Variants in ARHGEF4 observed in about 807,000 individuals in gnomAD.
ARHGEF4 encodes Rho guanine nucleotide exchange factor 4.
A neutral mutation model predicts 162.0 loss-of-function variants in ARHGEF4; 119 were observed. That is an observed-to-expected ratio of 0.73 (90% CI 0.63 to 0.86). The LOEUF is 0.86. ARHGEF4 is among the 40% of genes least tolerant of loss of function. The pLI, the probability that ARHGEF4 is intolerant of heterozygous loss-of-function variation, is 0.00. For synonymous variants in ARHGEF4, 1,014 were observed against 979.9 expected, an observed-to-expected ratio of 1.03 and a Z score of -0.65; for missense variants, 2,488 against 2,456.0, an observed-to-expected ratio of 1.01 and a Z score of -0.28.
intron 1 of ARHGEF4, among the ~76,000 whole-genome samples, chr2:130,885,062 C>G (rs995564638): frequency 6.6e-6 from 1 of 152,120 alleles, no homozygotes. Flanking sequence ...ATACTTCCAC[C>G]TTTCTCCCTG....
At chr2:130,874,704 C>T (rs1020921067) in intron 1 of ARHGEF4, among the ~76,000 whole-genome samples, 4 of 152,198 alleles carry the variant, frequency 2.6e-5, no homozygotes, top group African/African-American at 7.2e-5. Flanking sequence ...CACCCAGAAT[C>T]TTGACAGGGA....
intron 4 of ARHGEF4, among the ~76,000 whole-genome samples, chr2:131,006,301 C>G (rs1301872341): frequency 2.6e-5 from 4 of 152,220 alleles, no homozygotes; most frequent in African/African-American, 9.6e-5. Flanking sequence ...AGAGAACCCA[C>G]TGAGCCACAC....
intron 1 of ARHGEF4, among the ~76,000 whole-genome samples, chr2:130,845,355 A>T (rs1359624614): frequency 6.6e-6 from 1 of 151,896 alleles, no homozygotes; most frequent in Non-Finnish European, 1.5e-5. Context: ...AAATGTTTTT[A>T]AAAAAATTAA....
chr2:131,014,254 G>C (rs866571005), intron 4 of ARHGEF4, among the ~76,000 whole-genome samples: 2 of 152,106 alleles, frequency 1.3e-5, no homozygotes, highest in South Asian at 2.1e-4. Flanking sequence ...CCTAAACTTA[G>C]AGGAACAGCT....
chr2:130,938,357 T>TA (rs1208504537), intron 3 of ARHGEF4, among the ~76,000 whole-genome samples: 3 of 152,210 alleles, frequency 2.0e-5, no homozygotes, highest in African/African-American at 7.2e-5. Flanking sequence ...TTTAAATTTT[T>TA]ACCATAATAG....
intron 4 of ARHGEF4, among the ~76,000 whole-genome samples, chr2:130,969,863 A>G (rs1396692610): frequency 6.6e-6 from 1 of 152,156 alleles, no homozygotes; most frequent in Non-Finnish European, 1.5e-5. Context: ...TGTCTCTTCC[A>G]TGATGCCGTA....
intron 1 of ARHGEF4, chr2:130,837,594 T>C: frequency 2.2e-6 from 1 of 451,086 alleles, no homozygotes; most frequent in Non-Finnish European, 4.4e-6. Context: ...CCCACTCAGT[T>C]GGGACGCCTC....
At chr2:131,006,131 A>G (rs1179418753) in intron 4 of ARHGEF4, among the ~76,000 whole-genome samples, 1 of 152,196 alleles carries the variant, frequency 6.6e-6, no homozygotes, top group Non-Finnish European at 1.5e-5. Flanking sequence ...CCTGGGCATC[A>G]CAAGGCAATT....
At chr2:130,939,119 A>G (rs775587701) in intron 3 of ARHGEF4, among the ~76,000 whole-genome samples, 7 of 152,052 alleles carry the variant, frequency 4.6e-5, no homozygotes, top group Non-Finnish European at 7.4e-5. Flanking sequence ...TATGTACTCA[A>G]TGTTTAGCTC....
chr2:131,010,540 G>A (rs1274281643), intron 4 of ARHGEF4, among the ~76,000 whole-genome samples: 1 of 152,182 alleles, frequency 6.6e-6, no homozygotes, highest in African/African-American at 2.4e-5. Flanking sequence ...GTGAAATTAG[G>A]TTTTGGATGA....
chr2:130,859,582 CAAA>C (rs1330353958), intron 1 of ARHGEF4, among the ~76,000 whole-genome samples: 1 of 670 alleles, frequency 1.5e-3, no homozygotes, highest in Non-Finnish European at 3.7e-3. Flanking sequence ...GACTCCAACT[CAAA>C]AAAAAAAAAA....
Position 130,972,114 on chromosome 2 carries a change from TG to T in ARHGEF4, c.3985+25480del, listed in dbSNP as rs538482293. On this transcript the variant is annotated intron_variant, in intron 4 of 13. Transcript: ENST00000409359. ...AGTCATTCCAGGCAAGGCCTCGGGT[TG>T]TATAACTAATGTTTCTAATAAATGT... 1.5e-3 allele frequency among the ~76,000 whole-genome samples: 226 copies of T among 152,368 alleles called. 1 individual carries two copies. The highest frequency in any genetic ancestry group is 5.3e-3 in the African/African-American group (222 of 41,588).
rs1331004440 is a variant in ARHGEF4, at chr2:130,914,172, GAC to G, written c.230_231del (p.Thr77ArgfsTer30). 6.5e-7 allele frequency: 1 copy of G among 1,536,110 alleles called. No individual in the cohort carries two copies. The highest frequency in any genetic ancestry group is 1.4e-5 in the African/African-American group (1 of 73,170). Reference sequence around the variant, plus strand: ...AACTGACCCCTTTGAAAGTGCCTCTGACACAGAGTCCTTGTCTGGGTACCTCC... The same window carrying G: ...AACTGACCCCTTTGAAAGTGCCTCTGACAGAGTCCTTGTCTGGGTACCTCC... ...TKTDPFESAS[D>X]TESLSGYLPR... On this transcript the variant is annotated frameshift_variant, in exon 2 of 14. Transcript: ENST00000409359. LOFTEE classifies it high-confidence loss of function.
chr2:130,913,073 T>C (rs548477242), intron 1 of ARHGEF4, among the ~76,000 whole-genome samples: 42 of 151,334 alleles, frequency 2.8e-4, no homozygotes, highest in African/African-American at 1.0e-3. Context: ...TGGGGGGGAG[T>C]GGTTCAGGCA....
rs943630512 is a variant in ARHGEF4 at position 130,995,261 on chromosome 2, T to G, written c.3986-32684T>G. ...CTGTTTTTCTCTGAATCTTTCTGTC[T>G]GACCTCTCTTCTTTATTCAGCTGTA... On this transcript the variant is annotated intron_variant, in intron 4 of 13. Transcript: ENST00000409359. Among the ~76,000 whole-genome samples the G allele has an allele frequency of 7.2e-5, 11 of 152,352 alleles. No individual in the cohort carries two copies. The South Asian group carries it at 2.3e-3, about 32-fold the overall frequency.
chr2:131,039,681 C>T (rs1028564124), intron 6 of ARHGEF4: 1 of 1,232,676 alleles, frequency 8.1e-7, no homozygotes, highest in African/African-American at 1.6e-5. Flanking sequence ...CACCCATCCC[C>T]CTGCTTCTGC....
At chr2:130,946,362 A>C in intron 3 of ARHGEF4, 147 bp from the exon 4 acceptor site, 1 of 961,062 alleles carries the variant, frequency 1.0e-6, no homozygotes, top group Non-Finnish European at 1.5e-6. Context: ...TTTGATGTGA[A>C]AGGCATCCCC....
At chr2:130,958,735 G>A (rs542814078) in intron 4 of ARHGEF4, among the ~76,000 whole-genome samples, 1 of 151,878 alleles carries the variant, frequency 6.6e-6, no homozygotes, top group African/African-American at 2.4e-5. Context: ...TTTATTTGCT[G>A]TTTACTCTTC....
At chr2:130,995,621 T>C (rs913872009) in intron 4 of ARHGEF4, among the ~76,000 whole-genome samples, 2 of 152,178 alleles carry the variant, frequency 1.3e-5, no homozygotes, top group East Asian at 1.9e-4. Context: ...TATGATGATA[T>C]TATCTTTCTC....
Sources: allele counts gnomAD v4.1 joint callset (sites outside exome capture counted in the v4.1 genomes callset), GRCh38; gene constraint gnomAD v4.1.1; transcripts MANE v1.5; gene names NCBI Gene and HGNC (gene_info 2026-07-23, HGNC 2026-07-21).